KIF20B: variants seen among roughly 807,000 people sequenced by gnomAD.
KIF20B encodes the protein kinesin-like protein KIF20B.
KIF20B carries 188 observed loss-of-function variants against 232.5 expected under a neutral mutation model. The ratio of observed to expected loss-of-function variants is 0.81; its 90% CI spans 0.72 to 0.91. The LOEUF (loss-of-function observed/expected upper bound fraction) is 0.91. Among genes scored for constraint, KIF20B ranks in the 40% least tolerant of loss-of-function variants. The pLI is 0.00. For missense variants in KIF20B, 2,154 were observed against 2,055.9 expected, an observed-to-expected ratio of 1.05 and a Z score of -0.92; for synonymous variants, 712 against 683.0, an observed-to-expected ratio of 1.04 and a Z score of -0.66.
intron 18 of KIF20B, 26 bp from the exon 19 acceptor site, chr10:89,732,877 A>G (rs774189365): frequency 2.0e-5 from 30 of 1,498,910 alleles, no homozygotes; most frequent in Non-Finnish European, 2.5e-5. Flanking sequence ...CTATATGTGA[A>G]TTATTTTTAA....
At chr10:89,716,687 C>A in intron 9 of KIF20B, 140 bp downstream of exon 9, 1 of 602,322 alleles carries the variant, frequency 1.7e-6, no homozygotes. Flanking sequence ...ATTTGGTATA[C>A]AGAATAACAC....
chr10:89,741,641 G>A (rs7893678), intron 21 of KIF20B, among the ~76,000 whole-genome samples: 47,465 of 152,010 alleles, frequency 0.31, 8,384 homozygotes, highest in African/African-American at 0.47. Context: ...AGACATTGAG[G>A]GATACAGTAG....
intron 28 of KIF20B, among the ~76,000 whole-genome samples, chr10:89,762,192 A>G (rs1842255567): frequency 6.6e-6 from 1 of 152,122 alleles, no homozygotes; most frequent in South Asian, 2.1e-4. Context: ...TGTTATTTCT[A>G]CCACATCCTA....
Position 89,746,069 on chromosome 10 carries a change from T to C in KIF20B, c.4096+110T>C, listed in dbSNP as rs1217639186. The C allele has an allele frequency of 1.5e-5, 11 of 758,026 alleles. No individual in the cohort carries two copies. In the East Asian group the frequency reaches 1.6e-4, roughly 11 times the overall value. 47.0% of individuals were successfully genotyped at this position (758,026 alleles called of 1,614,324 possible). On this transcript the variant is annotated intron_variant, in intron 23 of 32. Coordinates refer to ENST00000371728, the MANE Select transcript of KIF20B (RefSeq NM_001284259.2). ...ATTGGTGCCCTGCAGCTCAAACCCC[T>C]AGGGGGAGCATGCAGACGGGCAGGT...
At chr10:89,716,684 A>T (rs1428976291) in intron 9 of KIF20B, 137 bp downstream of exon 9, 2 of 618,314 alleles carry the variant, frequency 3.2e-6, no homozygotes, top group Admixed American at 3.4e-5. Context: ...AACATTTGGT[A>T]TACAGAATAA....
At position 89,717,572 on chromosome 10, in the gene KIF20B, T is replaced by G. The variant is rs769322639; in HGVS notation, c.1125-4T>G. 1 of 1,603,322 alleles carries G rather than the reference T, an allele frequency of 6.2e-7. No homozygotes were observed. Among genetic ancestry groups the G allele is most frequent in the African/African-American group, 1.3e-5 (1 of 74,188 alleles). On this transcript the variant is annotated splice_polypyrimidine_tract_variant and splice_region_variant and intron_variant, in intron 10 of 32. Transcript: ENST00000371728. ...TTTAAAGTACTTTTTTTTTCTTAAT[T>G]CAGATTATCTTTATGTGATCTTGCT...
intron 18 of KIF20B, among the ~76,000 whole-genome samples, chr10:89,731,971 A>G (rs2133117923): frequency 6.6e-6 from 1 of 152,258 alleles, no homozygotes; most frequent in Non-Finnish European, 1.5e-5. Flanking sequence ...ACTCTATCAT[A>G]CACTTTGTTT....
In KIF20B at chr10:89,704,547, T is replaced by A. The variant is rs187685358; in HGVS notation, c.-1-747T>A. 7.9e-4 allele frequency among the ~76,000 whole-genome samples: 118 copies of A among 149,654 alleles called. 1 individual carries two copies. The highest frequency in any genetic ancestry group is 1.3e-3 in the Non-Finnish European group (86 of 67,828). ...TTGAAATTGAAAACAATTTTTCAGA[T>A]AACTGAGTTTTGTTTTGTTTTTTTT... On this transcript the variant is annotated intron_variant, in intron 1 of 32. Coordinates refer to ENST00000371728, the MANE Select transcript of KIF20B (RefSeq NM_001284259.2).
At position 89,704,576 on chromosome 10, in the gene KIF20B, T is replaced by A. The variant is rs74936972; in HGVS notation, c.-1-718T>A. On this transcript the variant is annotated intron_variant, in intron 1 of 32. Transcript: ENST00000371728. The stretch of plus-strand genomic sequence containing the variant: ...TGAGTTTTGTTTTGTTTTTTTTTTT[T>A]GACGGAATCTCACTCTGTCACCCAG... 2.0e-5 allele frequency among the ~76,000 whole-genome samples: 3 copies of A among 149,266 alleles called. No individual in the cohort carries two copies. The East Asian group carries it at 5.8e-4, about 29-fold the overall frequency.
chr10:89,726,226 G>A lies in KIF20B; in HGVS notation c.2002-67G>A, dbSNP rs1589860552. The A allele has an allele frequency of 3.6e-6, 5 of 1,384,576 alleles. No individual in the cohort carries two copies. The East Asian group carries it at 8.0e-5, about 22-fold the overall frequency. The allele number at this position is 1,384,576 out of a possible 1,614,324, so 85.8% of individuals were successfully genotyped here. On this transcript the variant is annotated intron_variant, in intron 15 of 32. Coordinates refer to ENST00000371728, the MANE Select transcript of KIF20B (RefSeq NM_001284259.2). The stretch of plus-strand genomic sequence containing the variant: ...GCTTTTTTAAAAACTGTCTAAATTA[G>A]ATGGTACCACATGTAAAGGGTGAAC...
In KIF20B at chr10:89,758,822, T is replaced by A; in HGVS notation, c.4620T>A (p.Asn1540Lys). Residue 1540 changes from asparagine (N) to lysine (K), a missense_variant, in exon 27 of 33, where the codon AAT becomes AAA. Physicochemically the swap from Asn to Lys is moderately conservative, Grantham distance 94. Coordinates refer to ENST00000371728, the MANE Select transcript of KIF20B (RefSeq NM_001284259.2). ...AGCTAAAAGCACTGATATCCAGTAA[T>A]GTACAGAAAGATAATGAAATTGAAC... is the stretch of plus-strand genomic sequence containing the variant. ...EIQLKALISS[N>K]VQKDNEIEQL... is the part of the protein sequence containing the mutation. 2 of 1,603,002 alleles carry A rather than the reference T, an allele frequency of 1.2e-6. No homozygotes were observed. The highest frequency in any genetic ancestry group is 1.7e-6 in the Non-Finnish European group (2 of 1,174,656).
intron 17 of KIF20B, among the ~76,000 whole-genome samples, chr10:89,728,542 C>T (rs1843240601): frequency 6.6e-6 from 1 of 151,204 alleles, no homozygotes; most frequent in Non-Finnish European, 1.5e-5. Flanking sequence ...AATGGAGTCT[C>T]ACTCTGTTGC....
chr10:89,738,645 T>A, intron 20 of KIF20B, 28 bp downstream of exon 20: 1 of 1,517,586 alleles, frequency 6.6e-7, no homozygotes, highest in Non-Finnish European at 8.8e-7. Flanking sequence ...CAAAATATTT[T>A]AAAATACACA....
At position 89,701,699 on chromosome 10, in the gene KIF20B, G is replaced by C. The variant is rs2281884; in HGVS notation, c.-2+19G>C. 0.027 allele frequency: 4,093 copies of C among 152,554 alleles called. 361 individuals are homozygous for C. Among genetic ancestry groups the C allele is most frequent in the East Asian group, 0.27 (1,378 of 5,174 alleles). The allele number at this position is 152,554 out of a possible 1,614,324, so 9.5% of individuals were successfully genotyped here. Reference sequence around the variant, plus strand: ...TTTGCAGGTGAGGAGGTGACCCGCGGGAATGTGTGGGGAAGGAGGTGGGTG... The same window carrying C: ...TTTGCAGGTGAGGAGGTGACCCGCGCGAATGTGTGGGGAAGGAGGTGGGTG... On this transcript the variant is annotated intron_variant, in intron 1 of 32. Transcript: ENST00000371728.
At chr10:89,720,062 C>CA (rs1843019505) in intron 13 of KIF20B, among the ~76,000 whole-genome samples, 1 of 152,102 alleles carries the variant, frequency 6.6e-6, no homozygotes, top group African/African-American at 2.4e-5. Flanking sequence ...TTTTCATACC[C>CA]AAAAAATTTA....
intron 22 of KIF20B, among the ~76,000 whole-genome samples, chr10:89,744,357 T>C (rs1841868142): frequency 6.6e-6 from 1 of 152,214 alleles, no homozygotes; most frequent in Admixed American, 6.5e-5. Context: ...GAGGATGTTA[T>C]ACTTACTGCT....
chr10:89,739,229 C>G, intron 21 of KIF20B, 133 bp downstream of exon 21: 1 of 940,064 alleles, frequency 1.1e-6, no homozygotes, highest in Non-Finnish European at 1.5e-6. Context: ...ATTACAAGAA[C>G]AGTTACTTCA....
rs1564658781 is a variant in KIF20B at position 89,715,085 on chromosome 10, ATATATT to A, written c.847_852del (p.Ile283_Tyr284del). On this transcript the variant is annotated inframe_deletion, in exon 8 of 33. Transcript: ENST00000371728. ...TTTCTTTCTTTGAAATTTACAATGA[ATATATT>A]TATGACTTATTTGTTCCTGTATCAT... 6.2e-7 allele frequency: 1 copy of A among 1,607,692 alleles called. No homozygotes were observed. Among genetic ancestry groups the A allele is most frequent in the Admixed American group, 1.7e-5 (1 of 59,674 alleles).
chr10:89,755,774 T>G (rs1264192334), intron 26 of KIF20B, among the ~76,000 whole-genome samples: 1 of 152,062 alleles, frequency 6.6e-6, no homozygotes, highest in Non-Finnish European at 1.5e-5. Flanking sequence ...TTTTATTTTT[T>G]GTAGGGACAG....
Sources: gnomAD v4.1 joint callset for allele counts (sites outside exome capture counted in the v4.1 genomes callset) on GRCh38, gnomAD v4.1.1 for gene constraint, MANE v1.5 for transcripts, NCBI Gene and HGNC (gene_info 2026-07-23, HGNC 2026-07-21) for gene names.